Variants in ENAH observed in about 807,000 individuals in gnomAD.
ENAH encodes protein enabled homolog.
ENAH carries 23 observed loss-of-function variants against 78.7 expected under a neutral mutation model. The ratio of observed to expected loss-of-function variants is 0.29; its 90% CI spans 0.21 to 0.41. The LOEUF is 0.41. ENAH is among the 10% of genes least tolerant of loss of function. ENAH has a pLI of 1.00. For synonymous variants in ENAH, 226 were observed against 241.0 expected (o/e 0.94, Z 0.58); for missense variants, 544 against 691.0 (o/e 0.79, Z 2.39).
intron 3 of ENAH, among the ~76,000 whole-genome samples, chr1:225,549,070 G>A (rs756172051): frequency 1.8e-4 from 28 of 152,010 alleles, no homozygotes; most frequent in East Asian, 5.8e-4. Flanking sequence ...GGCTGGTCTC[G>A]AACTCCTGGT....
intron 1 of ENAH, among the ~76,000 whole-genome samples, chr1:225,616,331 T>TA (rs79946774): frequency 0.014 from 1,835 of 126,622 alleles, 16 homozygotes; most frequent in Non-Finnish European, 0.015. Flanking sequence ...AATAAATACT[T>TA]AAAAAAAAAA....
chr1:225,562,814 T>C (rs369939673), intron 2 of ENAH, among the ~76,000 whole-genome samples: 3 of 151,758 alleles, frequency 2.0e-5, no homozygotes, highest in South Asian at 2.1e-4. Flanking sequence ...CATTAAGATA[T>C]GTAAGAATGA....
At chr1:225,652,071 TAC>T (rs1365533852) in intron 1 of ENAH, among the ~76,000 whole-genome samples, 1 of 151,580 alleles carries the variant, frequency 6.6e-6, no homozygotes, top group East Asian at 1.9e-4. Flanking sequence ...CGCCCCCGCT[TAC>T]ACACCCCTAC....
intron 12 of ENAH, among the ~76,000 whole-genome samples, chr1:225,498,891 T>G (rs2096264924): frequency 6.6e-6 from 1 of 152,200 alleles, no homozygotes; most frequent in African/African-American, 2.4e-5. Flanking sequence ...GTCTAGGATT[T>G]CCCTGAAGGG....
chr1:225,523,383 T>C (rs2096483986), intron 4 of ENAH, among the ~76,000 whole-genome samples: 1 of 151,832 alleles, frequency 6.6e-6, no homozygotes, highest in Admixed American at 6.6e-5. Context: ...CTAGGTTGTA[T>C]TGACTTAAGA....
chr1:225,572,658 C>T (rs557437676), intron 1 of ENAH, among the ~76,000 whole-genome samples: 2 of 152,322 alleles, frequency 1.3e-5, no homozygotes, highest in East Asian at 1.9e-4. Flanking sequence ...CATCATTTTA[C>T]TACCATCCTA....
intron 1 of ENAH, among the ~76,000 whole-genome samples, chr1:225,652,029 G>A (rs989807345): frequency 1.3e-5 from 2 of 152,090 alleles, no homozygotes; most frequent in African/African-American, 4.8e-5. Flanking sequence ...AGAGAAAGGG[G>A]AGAAAAGGCT....
At chr1:225,563,843 G>C (rs1299966130) in intron 2 of ENAH, among the ~76,000 whole-genome samples, 1 of 152,118 alleles carries the variant, frequency 6.6e-6, no homozygotes, top group Non-Finnish European at 1.5e-5. Flanking sequence ...TGACATTTTA[G>C]ATTTCATTTG....
At chr1:225,588,578 G>C (rs952547705) in intron 1 of ENAH, among the ~76,000 whole-genome samples, 1 of 152,186 alleles carries the variant, frequency 6.6e-6, no homozygotes, top group Admixed American at 6.5e-5. Context: ...GGGAGGCCAA[G>C]GTGGACGGAT....
chr1:225,606,460 CAAAA>C (rs1226059203), intron 1 of ENAH, among the ~76,000 whole-genome samples: 1 of 94,862 alleles, frequency 1.1e-5, no homozygotes. Flanking sequence ...GACTCCATCT[CAAAA>C]AAAAAAAAAA....
chr1:225,563,923 A>G lies in ENAH; in HGVS notation c.171+3326T>C, dbSNP rs191582834. On this transcript the variant is annotated intron_variant, in intron 2 of 13. Coordinates refer to ENST00000366843, the MANE Select transcript of ENAH (RefSeq NM_018212.6). ...AGATTATTTACTATTTATTTATTTC[A>G]TGATTGTAGGTCTATCACGTTTTCC... is the stretch of plus-strand genomic sequence containing the variant. Among the ~76,000 whole-genome samples the G allele has an allele frequency of 1.4e-3, 216 of 152,262 alleles. 1 individual carries two copies. The highest frequency in any genetic ancestry group is 4.9e-3 in the African/African-American group (205 of 41,558).
In ENAH at chr1:225,598,088, T is replaced by C. The variant is rs577771685; in HGVS notation, c.6-30674A>G. Reference sequence around the variant, plus strand: ...TAAAGAACTGAAGAAACCTACCTTCTTCAGAGCACCCAGCTGGACCTAAAG... The same window carrying C: ...TAAAGAACTGAAGAAACCTACCTTCCTCAGAGCACCCAGCTGGACCTAAAG... On this transcript the variant is annotated intron_variant, in intron 1 of 13. Transcript: ENST00000366843. Among the ~76,000 whole-genome samples, 4 of 152,298 alleles carry C rather than the reference T, an allele frequency of 2.6e-5. No homozygotes were observed. In the South Asian group the frequency reaches 8.3e-4, roughly 32 times the overall value.
At chr1:225,511,154 GTTTA>G (rs943794066) in intron 10 of ENAH, among the ~76,000 whole-genome samples, 1 of 152,162 alleles carries the variant, frequency 6.6e-6, no homozygotes, top group African/African-American at 2.4e-5. Flanking sequence ...AACTCATCAA[GTTTA>G]TTTATGTCAT....
At chr1:225,518,000 A>G in intron 5 of ENAH, 1 of 1,535,100 alleles carries the variant, frequency 6.5e-7, no homozygotes, top group Non-Finnish European at 8.7e-7. Context: ...GCTGGACAGA[A>G]GGTGGAAAGC....
chr1:225,512,833 T>C (rs1034156152), intron 8 of ENAH, 38 bp downstream of exon 8: 1 of 1,609,730 alleles, frequency 6.2e-7, no homozygotes, highest in African/African-American at 1.3e-5. Flanking sequence ...TAAAATCCTC[T>C]CAATTCTGGG....
intron 4 of ENAH, among the ~76,000 whole-genome samples, chr1:225,526,542 T>C (rs2096506987): frequency 6.6e-6 from 1 of 152,012 alleles, no homozygotes; most frequent in Non-Finnish European, 1.5e-5. Flanking sequence ...TTTCACCATA[T>C]TGGCCAGGCT....
rs978049274 is a variant in ENAH at position 225,488,604 on chromosome 1, T to C, written c.*9171A>G. On this transcript the variant is annotated 3_prime_UTR_variant, in exon 14 of 14. Transcript: ENST00000366843. ...TGCATCAACTACAGATGTCTCAAAA[T>C]AGAATTCTTTCTAGCTCATTCAGTT... 3 of 152,206 alleles carry C rather than the reference T, an allele frequency of 2.0e-5. No homozygotes were observed. The highest frequency in any genetic ancestry group is 7.2e-5 in the African/African-American group (3 of 41,448). 9.4% of individuals were successfully genotyped at this position (152,206 alleles called of 1,614,324 possible). A position where few individuals can be genotyped will look rare whatever the true frequency, so the allele number is the denominator to read the frequency against.
At position 225,548,781 on chromosome 1, in the gene ENAH, T is replaced by C. The variant is rs2096627456; in HGVS notation, c.349+6125A>G. Among the ~76,000 whole-genome samples, 3 of 151,686 alleles carry C rather than the reference T, an allele frequency of 2.0e-5. No individual in the cohort carries two copies. The South Asian group carries it at 6.2e-4, about 31-fold the overall frequency. On this transcript the variant is annotated intron_variant, in intron 3 of 13. Transcript: ENST00000366843. ...GAGAAGAAAGTAGAGCAGGCAGACC[T>C]ACGAAAAGACTGTCCCCACCTACCC...
chr1:225,596,623 T>C (rs943001091), intron 1 of ENAH, among the ~76,000 whole-genome samples: 1 of 152,226 alleles, frequency 6.6e-6, no homozygotes, highest in Non-Finnish European at 1.5e-5. Context: ...CTAGAAATAT[T>C]CTTCTCCAAT....
Sources: gnomAD v4.1 joint callset for allele counts (sites outside exome capture counted in the v4.1 genomes callset) on GRCh38, gnomAD v4.1.1 for gene constraint, MANE v1.5 for transcripts, NCBI Gene and HGNC (gene_info 2026-07-23, HGNC 2026-07-21) for gene names.